Variants in SMG7 observed in about 807,000 individuals in gnomAD.
SMG7 encodes nonsense-mediated mRNA decay factor SMG7.
A neutral mutation model predicts 148.2 loss-of-function variants in SMG7; 34 were observed. The ratio of observed to expected loss-of-function variants is 0.23; its 90% CI spans 0.17 to 0.31. The LOEUF (loss-of-function observed/expected upper bound fraction) is 0.31. Among genes scored for constraint, SMG7 ranks in the 10% least tolerant of loss-of-function variants. The probability of loss-of-function intolerance (pLI) is 1.00; values close to 1 mark genes in which losing one functional copy is unlikely to be tolerated. For synonymous variants in SMG7, 492 were observed against 515.1 expected, an observed-to-expected ratio of 0.96 and a Z score of 0.61; for missense variants, 1,114 against 1,408.4, an observed-to-expected ratio of 0.79 and a Z score of 3.35.
Position 183,551,092 on chromosome 1 carries a change from G to C in SMG7, c.3352G>C (p.Glu1118Gln). 1.2e-6 allele frequency: 2 copies of C among 1,613,682 alleles called. No homozygotes were observed. Among genetic ancestry groups the C allele is most frequent in the Non-Finnish European group, 8.5e-7 (1 of 1,179,890 alleles). The change falls in exon 22 of 23, where the codon GAG (glutamate) becomes CAG (glutamine). Residue 1118 changes from glutamate (E) to glutamine (Q), a missense_variant. Around this residue, in one of 4 missense-constraint regions of SMG7, gnomAD observed 788 missense variants for 894.5 expected, o/e 0.88. Transcript: ENST00000688051. ...IDYLSATSSS[E>Q]SSWHQASTPS... The stretch of plus-strand genomic sequence containing the variant: ...TTATCTCTCAGCAACGTCATCCTCT[G>C]AGAGCAGTTGGCATCAGGCCAGCAC...
intron 1 of SMG7, among the ~76,000 whole-genome samples, chr1:183,495,849 C>T (rs1022336462): frequency 8.0e-5 from 12 of 150,062 alleles, no homozygotes; most frequent in Admixed American, 2.7e-4. Context: ...GCCTAGGTGA[C>T]GAGCAAGACC....
At chr1:183,480,780 T>C (rs143874648) in intron 1 of SMG7, among the ~76,000 whole-genome samples, 1 of 152,282 alleles carries the variant, frequency 6.6e-6, no homozygotes, top group African/African-American at 2.4e-5. Context: ...ACATTGCCCA[T>C]TCTTTTGAAA....
At chr1:183,522,152 G>C (rs1280985468) in intron 4 of SMG7, among the ~76,000 whole-genome samples, 1 of 152,178 alleles carries the variant, frequency 6.6e-6, no homozygotes, top group African/African-American at 2.4e-5. Context: ...TAGGGGGAAA[G>C]TAGCTTTTTC....
intron 6 of SMG7, 104 bp downstream of exon 6, chr1:183,528,131 A>G (rs1454333743): frequency 2.8e-6 from 2 of 726,722 alleles, no homozygotes; most frequent in South Asian, 2.5e-5. Context: ...AAAGCAATAA[A>G]TGAGTTTTGT....
chr1:183,499,316 G>A (rs1659248143), intron 1 of SMG7, among the ~76,000 whole-genome samples: 1 of 152,180 alleles, frequency 6.6e-6, no homozygotes, highest in Non-Finnish European at 1.5e-5. Context: ...AGCTTTGTGA[G>A]TAACTGCTAA....
intron 1 of SMG7, among the ~76,000 whole-genome samples, chr1:183,482,059 G>A (rs1654263497): frequency 6.6e-6 from 1 of 152,150 alleles, no homozygotes; most frequent in Admixed American, 6.6e-5. Flanking sequence ...ATGAGTAAAT[G>A]CCTCAGTGCA....
intron 1 of SMG7, among the ~76,000 whole-genome samples, chr1:183,492,029 T>C (rs1317576384): frequency 6.6e-6 from 1 of 152,224 alleles, no homozygotes; most frequent in Non-Finnish European, 1.5e-5. Flanking sequence ...TCTGATCACC[T>C]CCTAAAGGCA....
chr1:183,546,447 T>A, intron 17 of SMG7, 110 bp downstream of exon 17: 3 of 1,149,460 alleles, frequency 2.6e-6, no homozygotes, highest in Non-Finnish European at 3.7e-6. Context: ...TCGTTAGTAC[T>A]ATAGAATGCC....
intron 1 of SMG7, among the ~76,000 whole-genome samples, chr1:183,490,910 T>TG (rs1656796748): frequency 5.3e-5 from 8 of 152,214 alleles, no homozygotes; most frequent in African/African-American, 1.9e-4. Context: ...CTCAGCCTCC[T>TG]AAGTAGCTGG....
At chr1:183,501,785 G>C (rs1659783218) in intron 1 of SMG7, among the ~76,000 whole-genome samples, 1 of 152,126 alleles carries the variant, frequency 6.6e-6, no homozygotes, top group Admixed American at 6.5e-5. Flanking sequence ...CAGTAAATGA[G>C]AATCGAAAAA....
chr1:183,490,561 T>A (rs911388745), intron 1 of SMG7, among the ~76,000 whole-genome samples: 9 of 152,226 alleles, frequency 5.9e-5, no homozygotes, highest in South Asian at 2.1e-4. Flanking sequence ...TTGGTAACAT[T>A]ACATTGCCAC....
At chr1:183,516,070 T>C in intron 3 of SMG7, 79 bp downstream of exon 3, 1 of 875,068 alleles carries the variant, frequency 1.1e-6, no homozygotes, top group Non-Finnish European at 1.8e-6. Flanking sequence ...TGGTTCGTTA[T>C]TTATTTTTCA....
chr1:183,549,294 T>C lies in SMG7; in HGVS notation c.2973+6T>C. ...CCGGATTCTCTCTCAATCAGGTAGG[T>C]GAACAATGAAGAATCCTGCTGTGTG... On this transcript the variant is annotated splice_donor_region_variant and intron_variant, in intron 19 of 22. Coordinates refer to ENST00000688051, the MANE Select transcript of SMG7 (RefSeq NM_001375584.1). 2 of 1,597,916 alleles carry C rather than the reference T, an allele frequency of 1.3e-6. No homozygotes were observed. Among genetic ancestry groups the C allele is most frequent in the East Asian group, 2.2e-5 (1 of 44,782 alleles).
At chr1:183,501,360 C>T (rs1659667408) in intron 1 of SMG7, 1 of 152,178 alleles carries the variant, frequency 6.6e-6, no homozygotes, top group South Asian at 2.1e-4. Context: ...AGTGGCAGAG[C>T]TTGGTTTGAA....
intron 1 of SMG7, among the ~76,000 whole-genome samples, chr1:183,473,361 A>G (rs1335182234): frequency 6.6e-6 from 1 of 152,010 alleles, no homozygotes; most frequent in African/African-American, 2.4e-5. Context: ...GTGTGTATTC[A>G]TTAAGAGTGG....
intron 18 of SMG7, among the ~76,000 whole-genome samples, chr1:183,548,117 G>C (rs1572105469): frequency 6.6e-6 from 1 of 152,284 alleles, no homozygotes; most frequent in East Asian, 1.9e-4. Context: ...TTAGTGTCAA[G>C]AGAAATAAAA....
chr1:183,516,123 TA>T, intron 3 of SMG7, 132 bp downstream of exon 3: 1 of 636,162 alleles, frequency 1.6e-6, no homozygotes, highest in Admixed American at 2.6e-5. Flanking sequence ...GTAATTCTAG[TA>T]TTTGTGATAT....
intron 1 of SMG7, among the ~76,000 whole-genome samples, chr1:183,496,155 C>A (rs1162711915): frequency 3.9e-5 from 6 of 152,128 alleles, no homozygotes; most frequent in Admixed American, 3.9e-4. Flanking sequence ...AAACTAAACC[C>A]AGGATGGCTT....
intron 1 of SMG7, among the ~76,000 whole-genome samples, chr1:183,488,045 A>G (rs984552927): frequency 1.3e-5 from 2 of 152,224 alleles, no homozygotes; most frequent in East Asian, 3.9e-4. Context: ...AGCCGTGTTC[A>G]TATGTCAGTA....
Sources: gnomAD v4.1 joint callset for allele counts (sites outside exome capture counted in the v4.1 genomes callset) on GRCh38, gnomAD v4.1.1 for gene constraint, gnomAD v4.1.1 regional missense constraint, MANE v1.5 for transcripts, NCBI Gene and HGNC (gene_info 2026-07-23, HGNC 2026-07-21) for gene names.